SOS1: variants seen among roughly 807,000 people sequenced by gnomAD.
SOS1 encodes the protein son of sevenless homolog 1.
A neutral mutation model predicts 157.6 loss-of-function variants in SOS1; 25 were observed. The observed-to-expected ratio is 0.16, with a 90% confidence interval of 0.12 to 0.22. The LOEUF is 0.22. Among genes scored for constraint, SOS1 ranks in the 10% least tolerant of loss-of-function variants. SOS1 has a pLI of 1.00. For missense variants in SOS1, 1,237 were observed against 1,599.1 expected, an observed-to-expected ratio of 0.77 and a Z score of 3.86; for synonymous variants, 528 against 534.0, an observed-to-expected ratio of 0.99 and a Z score of 0.16.
In SOS1 at chr2:39,035,713, C is replaced by A. The variant is rs565192141; in HGVS notation, c.865-213G>T. 2.6e-5 allele frequency among the ~76,000 whole-genome samples: 4 copies of A among 152,172 alleles called. No homozygotes were observed. In the East Asian group the frequency reaches 7.7e-4, roughly 29 times the overall value. On this transcript the variant is annotated intron_variant, in intron 6 of 22. Transcript: ENST00000402219. ...AGTTCTTTCTGATGAATAATAAAAT[C>A]CTTATATGTTATAACAGCTCTCATT...
chr2:39,017,657 T>G (rs546286710), intron 10 of SOS1, among the ~76,000 whole-genome samples: 13 of 152,152 alleles, frequency 8.5e-5, no homozygotes, highest in Non-Finnish European at 1.6e-4. Flanking sequence ...TTAAGTACTT[T>G]CAAAAAATAT....
intron 1 of SOS1, among the ~76,000 whole-genome samples, chr2:39,119,341 C>T (rs1223144493): frequency 6.6e-6 from 1 of 152,068 alleles, no homozygotes; most frequent in African/African-American, 2.4e-5. Context: ...CAAGAGGGAC[C>T]GGAGGAGAAC....
At chr2:39,017,487 C>T (rs527302123) in intron 10 of SOS1, among the ~76,000 whole-genome samples, 23 of 151,972 alleles carry the variant, frequency 1.5e-4, no homozygotes, top group Non-Finnish European at 3.2e-4. Context: ...GTATGCTGTA[C>T]AGGGTTTCTG....
intron 2 of SOS1, among the ~76,000 whole-genome samples, chr2:39,062,947 A>G (rs967055753): frequency 6.6e-6 from 1 of 152,184 alleles, no homozygotes; most frequent in South Asian, 2.1e-4. Flanking sequence ...CAACAGAGCC[A>G]AATAATATAT....
chr2:39,074,917 T>C (rs1294035250), intron 1 of SOS1, among the ~76,000 whole-genome samples: 7 of 147,822 alleles, frequency 4.7e-5, no homozygotes, highest in Non-Finnish European at 7.4e-5. Flanking sequence ...AACAAAATGA[T>C]GTGTTGGGGA....
chr2:39,075,149 G>C (rs1671926687), intron 1 of SOS1, among the ~76,000 whole-genome samples: 1 of 152,164 alleles, frequency 6.6e-6, no homozygotes, highest in South Asian at 2.1e-4. Context: ...TAGTTGGAAT[G>C]ATGCCACAGG....
intron 1 of SOS1, among the ~76,000 whole-genome samples, chr2:39,114,655 A>C (rs190292739): frequency 3.6e-4 from 55 of 152,120 alleles, no homozygotes; most frequent in African/African-American, 1.3e-3. Flanking sequence ...CCCAGGCTGG[A>C]GTACAGTGGT....
chr2:39,115,406 C>CT (rs550526461), intron 1 of SOS1, among the ~76,000 whole-genome samples: 1,833 of 64,050 alleles, frequency 0.029, 251 homozygotes, highest in African/African-American at 0.1. Context: ...TGTTCTCTCT[C>CT]TTTTTTTTTT....
intron 1 of SOS1, among the ~76,000 whole-genome samples, chr2:39,110,035 T>TGCGC (rs59595862): frequency 7.0e-5 from 9 of 129,478 alleles, no homozygotes; most frequent in African/African-American, 2.6e-4. Flanking sequence ...GTTGTGTGTG[T>TGCGC]GTGCGTGTGT....
intron 10 of SOS1, among the ~76,000 whole-genome samples, chr2:39,015,389 T>A (rs922671226): frequency 6.6e-6 from 1 of 152,042 alleles, no homozygotes; most frequent in African/African-American, 2.4e-5. Flanking sequence ...TCACAACTAC[T>A]TAAAGATGCT....
chr2:38,999,405 T>C, intron 17 of SOS1, among the ~76,000 whole-genome samples: 1 of 152,170 alleles, frequency 6.6e-6, no homozygotes, highest in East Asian at 1.9e-4. Flanking sequence ...GGCCACATCC[T>C]TGGAAAGATA....
Position 39,022,679 on chromosome 2 carries a change from T to G in SOS1, c.1749A>C (p.Glu583Asp), listed in dbSNP as rs1477519893. The G allele has an allele frequency of 1.2e-6, 2 of 1,613,336 alleles. No individual in the cohort carries two copies. The change falls in exon 10 of 23, where the codon GAA (glutamate) becomes GAC (aspartate). Residue 583 changes from glutamate to aspartate, a missense_variant. This residue lies in a region of SOS1 where 210 missense variants were observed against 220.2 expected (regional missense o/e 0.95). Transcript: ENST00000402219. ...TGTTCTCTTCAAATATAATATTCTCTTCAGAGTCAGGCTCTGCAAATCTAT... is the reference window on the plus strand; with the variant it reads ...TGTTCTCTTCAAATATAATATTCTCGTCAGAGTCAGGCTCTGCAAATCTAT... ...DVYRFAEPDS[E>D]ENIIFEENMQ... is the part of the protein sequence containing the mutation.
intron 20 of SOS1, chr2:38,993,268 TC>T (rs1367684623): frequency 6.6e-6 from 1 of 152,296 alleles, no homozygotes; most frequent in Non-Finnish European, 1.5e-5. Flanking sequence ...CAAGCAATCC[TC>T]CCACTTCAGC....
chr2:39,032,443 ACTTT>A (rs1464867827), intron 8 of SOS1, among the ~76,000 whole-genome samples: 2 of 152,216 alleles, frequency 1.3e-5, no homozygotes, highest in Non-Finnish European at 2.9e-5. Context: ...TTACAGTTAA[ACTTT>A]CTTTAAAATA....
chr2:39,123,789 G>A (rs549232156), upstream of SOS1, among the ~76,000 whole-genome samples: 3 of 152,338 alleles, frequency 2.0e-5, no homozygotes, highest in African/African-American at 7.2e-5. Context: ...AAAGTTCCAG[G>A]ACTACATAAT....
chr2:39,124,832 C>T (rs1674017313), upstream of SOS1, among the ~76,000 whole-genome samples: 1 of 152,190 alleles, frequency 6.6e-6, no homozygotes, highest in South Asian at 2.1e-4. Flanking sequence ...TCTCTGTCTC[C>T]TGCTATTCAG....
intron 15 of SOS1, among the ~76,000 whole-genome samples, chr2:39,010,158 A>G (rs1035790737): frequency 6.6e-6 from 1 of 152,046 alleles, no homozygotes; most frequent in African/African-American, 2.4e-5. Context: ...TCTACTAAAA[A>G]TACTAAAATT....
At chr2:39,041,374 T>C (rs576628899) in intron 6 of SOS1, among the ~76,000 whole-genome samples, 2 of 152,350 alleles carry the variant, frequency 1.3e-5, no homozygotes, top group South Asian at 4.1e-4. Context: ...AAATATCTAT[T>C]CAAATCCTTT....
intron 1 of SOS1, among the ~76,000 whole-genome samples, chr2:39,118,684 C>A (rs1673750261): frequency 6.6e-6 from 1 of 152,108 alleles, no homozygotes; most frequent in East Asian, 1.9e-4. Flanking sequence ...GAATACAGGC[C>A]CTAAATGACA....
Sources: gnomAD v4.1 joint callset for allele counts (sites outside exome capture counted in the v4.1 genomes callset) on GRCh38, gnomAD v4.1.1 for gene constraint, gnomAD v4.1.1 regional missense constraint, MANE v1.5 for transcripts, NCBI Gene and HGNC (gene_info 2026-07-23, HGNC 2026-07-21) for gene names.